CSMD1: variants seen among roughly 807,000 people sequenced by gnomAD.
CSMD1 encodes CUB and Sushi multiple domains 1.
A neutral mutation model predicts 417.5 loss-of-function variants in CSMD1; 213 were observed. The ratio of observed to expected loss-of-function variants is 0.51; its 90% confidence interval spans 0.46 to 0.57. The LOEUF (loss-of-function observed/expected upper bound fraction) is 0.57, where lower values mean the gene tolerates loss of function less well. Among genes scored for constraint, CSMD1 ranks in the 20% least tolerant of loss-of-function variants. The pLI is 0.00. For synonymous variants in CSMD1, 2,862 were observed against 1,736.8 expected, an observed-to-expected ratio of 1.65 and a Z score of -16.11; for missense variants, 6,923 against 4,529.7, an observed-to-expected ratio of 1.53 and a Z score of -15.17.
intron 7 of CSMD1, among the ~76,000 whole-genome samples, chr8:3,643,958 T>C (rs548573299): frequency 4.6e-5 from 7 of 152,254 alleles, no homozygotes. Context: ...ATGTGGTAGA[T>C]AGGACAATTC....
At chr8:3,176,990 C>CT (rs1370676401) in intron 37 of CSMD1, among the ~76,000 whole-genome samples, 1 of 151,998 alleles carries the variant, frequency 6.6e-6, no homozygotes, top group Non-Finnish European at 1.5e-5. Context: ...GTTGCCCAGG[C>CT]TGGTCTTGAG....
chr8:4,334,353 C>T (rs1800039125), intron 3 of CSMD1, among the ~76,000 whole-genome samples: 1 of 152,112 alleles, frequency 6.6e-6, no homozygotes, highest in Admixed American at 6.6e-5. Flanking sequence ...CTTAATAAAG[C>T]AGGTGACCCT....
At chr8:4,463,757 T>C (rs1799983926) in intron 2 of CSMD1, among the ~76,000 whole-genome samples, 1 of 152,170 alleles carries the variant, frequency 6.6e-6, no homozygotes, top group South Asian at 2.1e-4. Flanking sequence ...TGAGGGAAAA[T>C]AGTGAGTGGG....
At chr8:3,635,559 C>G (rs1796996353) in intron 7 of CSMD1, among the ~76,000 whole-genome samples, 1 of 149,510 alleles carries the variant, frequency 6.7e-6, no homozygotes, top group Non-Finnish European at 1.5e-5. Context: ...TCTCAGCTCA[C>G]TGCAAGCTAC....
At chr8:3,987,680 TG>T (rs1814435537) in intron 5 of CSMD1, among the ~76,000 whole-genome samples, 1 of 151,970 alleles carries the variant, frequency 6.6e-6, no homozygotes, top group Non-Finnish European at 1.5e-5. Flanking sequence ...ACAGAGAAAA[TG>T]GATTGAAAAC....
chr8:4,126,287 T>C (rs533424455), intron 3 of CSMD1, among the ~76,000 whole-genome samples: 150 of 152,258 alleles, frequency 9.9e-4, no homozygotes, highest in African/African-American at 3.3e-3. Context: ...TCTTTCTTCA[T>C]AGCAATGTCC....
intron 3 of CSMD1, among the ~76,000 whole-genome samples, chr8:4,133,118 A>G (rs1423747493): frequency 6.6e-6 from 1 of 152,074 alleles, no homozygotes; most frequent in African/African-American, 2.4e-5. Context: ...CTGTATTTTT[A>G]GTAGAGAAGG....
intron 1 of CSMD1, among the ~76,000 whole-genome samples, chr8:4,827,916 G>A (rs761734516): frequency 1.3e-4 from 20 of 152,130 alleles, no homozygotes; most frequent in Non-Finnish European, 2.6e-4. Flanking sequence ...AATGAAAAAT[G>A]TCAAATCCAA....
intron 2 of CSMD1, among the ~76,000 whole-genome samples, chr8:4,625,618 C>T (rs1333628940): frequency 6.6e-6 from 1 of 151,918 alleles, no homozygotes; most frequent in Non-Finnish European, 1.5e-5. Flanking sequence ...ATATCCCGTG[C>T]ATTTACATTT....
chr8:4,163,680 G>C (rs185286914), intron 3 of CSMD1, among the ~76,000 whole-genome samples: 3 of 152,212 alleles, frequency 2.0e-5, no homozygotes, highest in East Asian at 3.9e-4. Flanking sequence ...AAAACAAGAA[G>C]TAACATATAA....
intron 2 of CSMD1, among the ~76,000 whole-genome samples, chr8:4,526,812 G>C (rs962915739): frequency 2.6e-5 from 4 of 152,084 alleles, no homozygotes; most frequent in African/African-American, 9.7e-5. Context: ...TCTAACCCTG[G>C]AGAATAAATT....
At chr8:3,945,520 T>C (rs1437186953) in intron 5 of CSMD1, among the ~76,000 whole-genome samples, 1 of 152,026 alleles carries the variant, frequency 6.6e-6, no homozygotes, top group Admixed American at 6.6e-5. Flanking sequence ...TTATTGGTAA[T>C]AGTGAAAGGC....
chr8:4,251,098 A>G (rs1803038147), intron 3 of CSMD1, among the ~76,000 whole-genome samples: 1 of 152,208 alleles, frequency 6.6e-6, no homozygotes, highest in Non-Finnish European at 1.5e-5. Context: ...TTTCCCTGCC[A>G]AATTTCTGAA....
rs138087575 is a variant in CSMD1 at position 4,574,028 on chromosome 8, T to A, written c.302+63314A>T. 3.9e-3 allele frequency among the ~76,000 whole-genome samples: 599 copies of A among 152,264 alleles called. 2 individuals are homozygous for A. The highest frequency in any genetic ancestry group is 5.9e-3 in the Admixed American group (91 of 15,298). ...CAGACTGCTGTGCTGGCAGCCAGAA[T>A]TCCCAGCCAGTGAATCTTAGCTTGC... On this transcript the variant is annotated intron_variant, in intron 2 of 69. Transcript: ENST00000635120.
At chr8:4,431,480 A>T (rs1317041465) in intron 2 of CSMD1, among the ~76,000 whole-genome samples, 1 of 152,128 alleles carries the variant, frequency 6.6e-6, no homozygotes, top group Non-Finnish European at 1.5e-5. Flanking sequence ...GAGAGAAGAA[A>T]GTAGAGAGAC....
chr8:3,396,468 A>G, intron 16 of CSMD1, 87 bp from the exon 17 acceptor site: 1 of 938,860 alleles, frequency 1.1e-6, no homozygotes, highest in Non-Finnish European at 1.6e-6. Context: ...CTTAATCAGA[A>G]ACCCATGTAC....
chr8:3,838,351 T>C (rs1169335918), intron 5 of CSMD1, among the ~76,000 whole-genome samples: 3 of 151,758 alleles, frequency 2.0e-5, no homozygotes, highest in East Asian at 3.9e-4. Context: ...GCCTGGGTGA[T>C]GTCGTGAGAC....
At chr8:4,149,924 T>G (rs1040071649) in intron 3 of CSMD1, among the ~76,000 whole-genome samples, 1 of 152,222 alleles carries the variant, frequency 6.6e-6, no homozygotes, top group East Asian at 1.9e-4. Flanking sequence ...TGGTGTTTTG[T>G]TAAATTGTGA....
At chr8:3,303,578 C>T (rs886608788) in intron 25 of CSMD1, among the ~76,000 whole-genome samples, 5 of 152,296 alleles carry the variant, frequency 3.3e-5, no homozygotes, top group South Asian at 4.1e-4. Context: ...CAATTAGGAA[C>T]AGAAGTACAT....
Sources: gnomAD v4.1 joint callset for allele counts (sites outside exome capture counted in the v4.1 genomes callset) on GRCh38, gnomAD v4.1.1 for gene constraint, MANE v1.5 for transcripts, NCBI Gene and HGNC (gene_info 2026-07-23, HGNC 2026-07-21) for gene names.